GRIK4: variants seen among roughly 807,000 people sequenced by gnomAD.
The protein encoded by GRIK4 is glutamate receptor ionotropic, kainate 4.
GRIK4 carries 40 observed loss-of-function variants against 104.9 expected under a neutral mutation model. The observed-to-expected ratio is 0.38, with a 90% CI of 0.30 to 0.50. GRIK4 has a LOEUF of 0.50. Among genes scored for constraint, GRIK4 ranks in the 20% least tolerant of loss-of-function variants. The probability of loss-of-function intolerance (pLI) is 0.93; values close to 1 mark genes in which losing one functional copy is unlikely to be tolerated. For missense variants in GRIK4, 1,047 were observed against 1,308.1 expected (o/e 0.80, Z 3.08); for synonymous variants, 485 against 524.9 (o/e 0.92, Z 1.04).
chr11:120,763,305 T>C (rs753895028), intron 3 of GRIK4, among the ~76,000 whole-genome samples: 2 of 152,200 alleles, frequency 1.3e-5, no homozygotes, highest in Non-Finnish European at 1.5e-5. Flanking sequence ...CTTTATCATT[T>C]TTTATTGTGT....
intron 3 of GRIK4, among the ~76,000 whole-genome samples, chr11:120,699,658 G>A (rs552044953): frequency 1.3e-5 from 2 of 152,186 alleles, no homozygotes; most frequent in Non-Finnish European, 2.9e-5. Context: ...GTCCAAGGGT[G>A]TTAACATTGT....
chr11:120,828,541 C>A (rs764474436), intron 6 of GRIK4, among the ~76,000 whole-genome samples: 17 of 152,190 alleles, frequency 1.1e-4, no homozygotes, highest in Non-Finnish European at 2.4e-4. Flanking sequence ...CCTTATTCCA[C>A]AGAAAAGGAA....
At chr11:120,714,110 T>TG (rs1950785721) in intron 3 of GRIK4, among the ~76,000 whole-genome samples, 1 of 152,228 alleles carries the variant, frequency 6.6e-6, no homozygotes, top group Non-Finnish European at 1.5e-5. Flanking sequence ...TATCCATAGT[T>TG]GCTGTTGTTA....
chr11:120,513,043 C>T lies in GRIK4; in HGVS notation c.-159+1156C>T, dbSNP rs535880328. On this transcript the variant is annotated intron_variant, in intron 1 of 20. Coordinates refer to ENST00000527524, the MANE Select transcript of GRIK4 (RefSeq NM_014619.5). The surrounding 1 kb of genome is among the most constrained non-coding windows in gnomAD (Gnocchi z 4.5). ...GGTGCTGTTGTCTGGTGATGCCACGCGGTGCCACCTCCCTGCCTCCCTCCA... is the reference window on the plus strand; with the variant it reads ...GGTGCTGTTGTCTGGTGATGCCACGTGGTGCCACCTCCCTGCCTCCCTCCA... 3.1e-4 allele frequency among the ~76,000 whole-genome samples: 47 copies of T among 152,202 alleles called. No homozygotes were observed. The highest frequency in any genetic ancestry group is 1.1e-3 in the African/African-American group (46 of 41,558).
chr11:120,685,362 A>G (rs979347731), intron 3 of GRIK4, among the ~76,000 whole-genome samples: 2 of 152,336 alleles, frequency 1.3e-5, no homozygotes, highest in Admixed American at 1.3e-4. Context: ...TCTCATGTTC[A>G]TTAAAGTTTG....
At position 120,939,178 on chromosome 11, in the gene GRIK4, T is replaced by C. The variant is rs1565451275; in HGVS notation, c.1477-1169T>C. ...GAGAGTAGACTAATAGGAAACAGAC[T>C]TGCTTTCCACAGGATTGATTTAAAT... On this transcript the variant is annotated intron_variant, in intron 13 of 20. Coordinates refer to ENST00000527524, the MANE Select transcript of GRIK4 (RefSeq NM_014619.5). The surrounding 1 kb of genome is among the most constrained non-coding windows in gnomAD (Gnocchi z 5.6). Among the ~76,000 whole-genome samples the C allele has an allele frequency of 6.6e-6, 1 of 152,190 alleles. No homozygotes were observed. Among genetic ancestry groups the C allele is most frequent in the Non-Finnish European group, 1.5e-5 (1 of 68,040 alleles).
rs369678635 is a variant in GRIK4, at chr11:120,986,358, C to T, written c.*98C>T. The T allele has an allele frequency of 7.5e-7, 1 of 1,336,668 alleles. No individual in the cohort carries two copies. The highest frequency in any genetic ancestry group is 1.6e-5 in the African/African-American group (1 of 64,396). 82.8% of individuals were successfully genotyped at this position (1,336,668 alleles called of 1,614,324 possible). Reference sequence around the variant, plus strand: ...CCGCCAGCCGGAACTTGTACAGCGTCGACACCTCTCCAGATTTCGGATCCA... The same window carrying T: ...CCGCCAGCCGGAACTTGTACAGCGTTGACACCTCTCCAGATTTCGGATCCA... On this transcript the variant is annotated 3_prime_UTR_variant, in exon 21 of 21. Transcript: ENST00000527524.
chr11:120,674,582 G>A (rs1950070322), intron 3 of GRIK4, among the ~76,000 whole-genome samples: 1 of 152,252 alleles, frequency 6.6e-6, no homozygotes, highest in Non-Finnish European at 1.5e-5. Context: ...CCTCCAAGCT[G>A]TGTTGTTCCC....
At chr11:120,781,652 C>A (rs1463140594) in intron 3 of GRIK4, among the ~76,000 whole-genome samples, 1 of 152,142 alleles carries the variant, frequency 6.6e-6, no homozygotes, top group Non-Finnish European at 1.5e-5. Context: ...GTGCCCTGCC[C>A]TGTCTGTGTC....
chr11:120,965,810 A>T (rs1944374138), intron 18 of GRIK4, among the ~76,000 whole-genome samples: 1 of 152,236 alleles, frequency 6.6e-6, no homozygotes, highest in Non-Finnish European at 1.5e-5. Context: ...CAGATTCTGC[A>T]GTTCAGCGAA....
In GRIK4 at chr11:120,549,398, G is replaced by A. The variant is rs1221420039; in HGVS notation, c.-159+37511G>A. On this transcript the variant is annotated intron_variant, in intron 1 of 20. Transcript: ENST00000527524. This position sits in a 1 kb window ranked among gnomAD's most constrained non-coding sequence, Gnocchi z 4.7. The stretch of plus-strand genomic sequence containing the variant: ...TGGAATTATAGGCGTGAGCCACCGC[G>A]CCCGGCCTTGGCTGTTCTTTAATAG... 2.0e-5 allele frequency among the ~76,000 whole-genome samples: 3 copies of A among 152,142 alleles called. No homozygotes were observed. The highest frequency in any genetic ancestry group is 2.1e-4 in the South Asian group (1 of 4,816).
intron 3 of GRIK4, among the ~76,000 whole-genome samples, chr11:120,795,054 A>G (rs1379946494): frequency 6.6e-6 from 1 of 152,090 alleles, no homozygotes; most frequent in Non-Finnish European, 1.5e-5. Context: ...GCACTCCCCA[A>G]GGTGCAAACT....
At chr11:120,676,583 C>A (rs1169412836) in intron 3 of GRIK4, among the ~76,000 whole-genome samples, 1 of 152,178 alleles carries the variant, frequency 6.6e-6, no homozygotes, top group Non-Finnish European at 1.5e-5. Flanking sequence ...GACTTTCTAA[C>A]AACCCACACT....
chr11:120,962,876 G>C (rs1335803451), intron 18 of GRIK4, 195 bp downstream of exon 18: 2 of 504,800 alleles, frequency 4.0e-6, no homozygotes, highest in African/African-American at 2.0e-5. Context: ...TCAACGACCA[G>C]TGCTCAATCC....
In GRIK4 at chr11:120,985,974, G is replaced by A. The variant is rs1452643023; in HGVS notation, c.2585G>A (p.Arg862His). The change falls in exon 21 of 21, where the codon CGC (arginine) becomes CAC (histidine). Residue 862 changes from arginine to histidine, a missense_variant. Physicochemically the swap from Arg to His is conservative, Grantham distance 29. Transcript: ENST00000527524. ...CTGTGTCAGGACAGTATCCACCCCC[G>A]CCGGCGGCGCGCCGCAGTCCCGCCG... is the stretch of plus-strand genomic sequence containing the variant. The part of the protein sequence containing the change: ...IILCQDSIHP[R>H]RRRAAVPPPR... 16 of 1,535,140 alleles carry A rather than the reference G, an allele frequency of 1.0e-5. No homozygotes were observed. The highest frequency in any genetic ancestry group is 7.7e-5 in the East Asian group (3 of 38,978).
chr11:120,806,623 G>A (rs1000519130), intron 4 of GRIK4, among the ~76,000 whole-genome samples: 3 of 152,168 alleles, frequency 2.0e-5, no homozygotes, highest in African/African-American at 7.2e-5. Flanking sequence ...ATTGAAGCTG[G>A]GGCTGTAGCA....
intron 1 of GRIK4, among the ~76,000 whole-genome samples, chr11:120,539,630 C>T (rs1948012116): frequency 6.6e-6 from 1 of 152,154 alleles, no homozygotes; most frequent in African/African-American, 2.4e-5. Flanking sequence ...ATTTGAATGG[C>T]CATCAGCAAA....
chr11:120,738,596 G>A (rs887671828), intron 3 of GRIK4, among the ~76,000 whole-genome samples: 4 of 152,182 alleles, frequency 2.6e-5, no homozygotes, highest in Non-Finnish European at 5.9e-5. Flanking sequence ...TGATGCTGAA[G>A]ATAGACCTGC....
At chr11:120,727,631 A>G (rs1224014383) in intron 3 of GRIK4, among the ~76,000 whole-genome samples, 1 of 152,094 alleles carries the variant, frequency 6.6e-6, no homozygotes, top group Non-Finnish European at 1.5e-5. Context: ...AAAAATAAAA[A>G]CCTATGGCAC....
Sources: allele counts gnomAD v4.1 joint callset (sites outside exome capture counted in the v4.1 genomes callset), GRCh38; gene constraint gnomAD v4.1.1; non-coding constraint Gnocchi (gnomAD v3.1); transcripts MANE v1.5; gene names NCBI Gene and HGNC (gene_info 2026-07-23, HGNC 2026-07-21).